Variants in PRKG1 observed in about 807,000 individuals in gnomAD.
The protein encoded by PRKG1 is protein kinase cGMP-dependent 1.
In PRKG1, 35 loss-of-function variants were observed where a neutral mutation model predicts 88.1. That is an observed-to-expected ratio of 0.40 (90% confidence interval 0.30 to 0.53). The LOEUF is 0.53. Among genes scored for constraint, PRKG1 ranks in the 20% least tolerant of loss-of-function variants. The pLI, the probability that PRKG1 is intolerant of heterozygous loss-of-function variation, is 0.59. For missense variants in PRKG1, 540 were observed against 839.8 expected (o/e 0.64, Z 4.41); for synonymous variants, 303 against 292.5 (o/e 1.04, Z -0.37).
intron 5 of PRKG1, among the ~76,000 whole-genome samples, chr10:52,020,091 G>GTT (rs146390694): frequency 0.079 from 11,969 of 151,542 alleles, 783 homozygotes; most frequent in East Asian, 0.32. Context: ...CAGTTTCTGA[G>GTT]TTTTTTTAAT....
At position 51,205,720 on chromosome 10, in the gene PRKG1, G is replaced by A. The variant is rs185727812; in HGVS notation, c.478+52390G>A. Among the ~76,000 whole-genome samples, 131 of 151,832 alleles carry A rather than the reference G, an allele frequency of 8.6e-4. 1 individual carries two copies. Among genetic ancestry groups the A allele is most frequent in the Middle Eastern group, 3.4e-3 (1 of 294 alleles). ...GGCAAATTTTTGTATTTTTAGTAGAGATGGGGTTTCACCATGTTGGCCAGG... is the reference window on the plus strand; with the variant it reads ...GGCAAATTTTTGTATTTTTAGTAGAAATGGGGTTTCACCATGTTGGCCAGG... On this transcript the variant is annotated intron_variant, in intron 2 of 17. Transcript: ENST00000373980.
chr10:51,761,016 G>T (rs575463816), intron 3 of PRKG1, among the ~76,000 whole-genome samples: 1 of 152,120 alleles, frequency 6.6e-6, no homozygotes, highest in South Asian at 2.1e-4. Flanking sequence ...GGGAGGCTGA[G>T]GCAGAAGAAT....
chr10:52,224,808 C>CATATATATATATGTAT (rs1840342794), intron 9 of PRKG1, among the ~76,000 whole-genome samples: 1 of 106,370 alleles, frequency 9.4e-6, no homozygotes, highest in African/African-American at 3.7e-5. Context: ...AGTATTCCAT[C>CATATATATATATGTAT]ATATATATAT....
chr10:51,064,565 G>A (rs1482373388), intron 1 of PRKG1, among the ~76,000 whole-genome samples: 2 of 151,920 alleles, frequency 1.3e-5, no homozygotes, highest in Middle Eastern at 3.4e-3. Flanking sequence ...TCATAGGAAC[G>A]GCTTGTCTTT....
chr10:51,656,088 A>G (rs1243526371), intron 3 of PRKG1, among the ~76,000 whole-genome samples: 1 of 152,170 alleles, frequency 6.6e-6, no homozygotes, highest in African/African-American at 2.4e-5. Flanking sequence ...AGAAAAGAAC[A>G]GCTATCATAT....
chr10:51,710,659 A>G (rs528346725), intron 3 of PRKG1, among the ~76,000 whole-genome samples: 234 of 152,376 alleles, frequency 1.5e-3, no homozygotes, highest in Non-Finnish European at 2.2e-3. Flanking sequence ...TAAGTACCAC[A>G]TAAGTAAACA....
At chr10:51,299,897 G>A (rs907360097) in intron 2 of PRKG1, among the ~76,000 whole-genome samples, 9 of 152,160 alleles carry the variant, frequency 5.9e-5, no homozygotes, top group Non-Finnish European at 7.3e-5. Context: ...AAATTAGAAT[G>A]CCATGAGTCA....
intron 1 of PRKG1, among the ~76,000 whole-genome samples, chr10:51,142,169 G>A (rs1031548307): frequency 1.3e-5 from 2 of 152,052 alleles, no homozygotes; most frequent in African/African-American, 4.8e-5. Flanking sequence ...GAAAACAAAT[G>A]TGAACATGCT....
At chr10:51,998,995 A>G (rs1454796863) in intron 5 of PRKG1, among the ~76,000 whole-genome samples, 2 of 151,362 alleles carry the variant, frequency 1.3e-5, no homozygotes, top group African/African-American at 4.8e-5. Context: ...AAATGTTCAC[A>G]CTAACTTTCT....
At chr10:52,165,595 T>C (rs1440629995) in intron 9 of PRKG1, among the ~76,000 whole-genome samples, 1 of 152,180 alleles carries the variant, frequency 6.6e-6, no homozygotes, top group Non-Finnish European at 1.5e-5. Flanking sequence ...TTCAGGGTCT[T>C]CTTGATGTTT....
In PRKG1 at chr10:51,124,586, TG is replaced by T. The variant is rs1262920790; in HGVS notation, c.312-28577del. On this transcript the variant is annotated intron_variant, in intron 1 of 17. Coordinates refer to ENST00000373980, the MANE Select transcript of PRKG1 (RefSeq NM_006258.4). ...TGAAGGTTTTGTTCTAATTTGCTGATGTGTAGTTGTGTCTTCATTGGAAGCA... is the reference window on the plus strand; with the variant it reads ...TGAAGGTTTTGTTCTAATTTGCTGATTGTAGTTGTGTCTTCATTGGAAGCA... Among the ~76,000 whole-genome samples the T allele has an allele frequency of 2.6e-5, 4 of 152,312 alleles. No individual in the cohort carries two copies. The East Asian group carries it at 7.7e-4, about 29-fold the overall frequency.
intron 7 of PRKG1, among the ~76,000 whole-genome samples, chr10:52,117,946 A>G (rs1367416240): frequency 1.3e-5 from 2 of 151,780 alleles, no homozygotes; most frequent in Non-Finnish European, 2.9e-5. Flanking sequence ...TCCTTTTATT[A>G]TTGTACAAAA....
intron 10 of PRKG1, 182 bp downstream of exon 10, chr10:52,251,848 T>C (rs1841180167): frequency 3.8e-6 from 2 of 531,458 alleles, no homozygotes; most frequent in Non-Finnish European, 6.6e-6. Context: ...TGGGCTAAAT[T>C]ATGCAGTCAA....
intron 5 of PRKG1, among the ~76,000 whole-genome samples, chr10:52,052,815 A>C (rs909628022): frequency 6.6e-6 from 1 of 152,118 alleles, no homozygotes; most frequent in African/African-American, 2.4e-5. Context: ...GAAAGCTACA[A>C]TTTAAGATGA....
intron 2 of PRKG1, among the ~76,000 whole-genome samples, chr10:51,316,047 T>C (rs1298188046): frequency 6.6e-6 from 1 of 152,166 alleles, no homozygotes; most frequent in African/African-American, 2.4e-5. Flanking sequence ...CCAGTAACAT[T>C]CCCAGAGCCA....
At chr10:51,556,531 A>G (rs1330276554) in intron 3 of PRKG1, among the ~76,000 whole-genome samples, 2 of 152,044 alleles carry the variant, frequency 1.3e-5, no homozygotes, top group Admixed American at 6.6e-5. Context: ...TTATATATAC[A>G]TCACAGAATA....
chr10:51,729,235 C>G (rs1183372968), intron 3 of PRKG1, among the ~76,000 whole-genome samples: 1 of 152,190 alleles, frequency 6.6e-6, no homozygotes, highest in East Asian at 1.9e-4. Flanking sequence ...ATTTCACATA[C>G]TCATTCTAGT....
chr10:51,081,245 G>T (rs1007861171), intron 1 of PRKG1, among the ~76,000 whole-genome samples: 1 of 152,158 alleles, frequency 6.6e-6, no homozygotes, highest in Non-Finnish European at 1.5e-5. Context: ...AAGAAGAAAT[G>T]CATATCGAGG....
At chr10:52,009,720 A>C (rs558025811) in intron 5 of PRKG1, among the ~76,000 whole-genome samples, 40 of 152,332 alleles carry the variant, frequency 2.6e-4, no homozygotes, top group African/African-American at 8.7e-4. Context: ...AGGCAAGGCA[A>C]TCATAAGGAA....
Sources: allele counts gnomAD v4.1 joint callset (sites outside exome capture counted in the v4.1 genomes callset), GRCh38; gene constraint gnomAD v4.1.1; transcripts MANE v1.5; gene names NCBI Gene and HGNC (gene_info 2026-07-23, HGNC 2026-07-21).